Variants in GREM2 observed in about 807,000 individuals in gnomAD.
The protein encoded by GREM2 is gremlin 2, DAN family BMP antagonist, also known as gremlin-2.
GREM2 carries 11 observed loss-of-function variants against 14.2 expected under a neutral mutation model. The ratio of observed to expected loss-of-function variants is 0.78; its 90% CI spans 0.49 to 1.28. GREM2 has a LOEUF of 1.28. GREM2 is among the 50% of genes most tolerant of loss of function. GREM2 has a pLI of 0.00. For missense variants in GREM2, 210 were observed against 218.5 expected (o/e 0.96, Z 0.24); for synonymous variants, 98 against 97.6 (o/e 1.00, Z -0.02).
intron 1 of GREM2, among the ~76,000 whole-genome samples, chr1:240,539,742 A>G (rs1211357997): frequency 6.6e-6 from 1 of 152,178 alleles, no homozygotes; most frequent in East Asian, 1.9e-4. Flanking sequence ...ACACGGATGA[A>G]GTGGAGATTT....
intron 1 of GREM2, among the ~76,000 whole-genome samples, chr1:240,532,672 G>C (rs1572386186): frequency 8.0e-6 from 1 of 125,006 alleles, no homozygotes; most frequent in South Asian, 2.8e-4. Context: ...TAGATAGATA[G>C]ATAGATAGAT....
chr1:240,587,758 C>T (rs981361310), intron 1 of GREM2, among the ~76,000 whole-genome samples: 1 of 152,112 alleles, frequency 6.6e-6, no homozygotes, highest in Non-Finnish European at 1.5e-5. Flanking sequence ...GCACTCTTAG[C>T]CATGCAGATA....
intron 1 of GREM2, among the ~76,000 whole-genome samples, chr1:240,569,004 T>A (rs13375672): frequency 0.022 from 3,299 of 152,114 alleles, 117 homozygotes; most frequent in African/African-American, 0.075. Flanking sequence ...TGAACTAGGA[T>A]TGTGCCTCTT....
chr1:240,528,836 T>A (rs1678285810), intron 1 of GREM2, among the ~76,000 whole-genome samples: 1 of 152,138 alleles, frequency 6.6e-6, no homozygotes. Context: ...GAGCTTCAGA[T>A]TTAGCATCCA....
At chr1:240,561,633 T>G (rs1340175808) in intron 1 of GREM2, among the ~76,000 whole-genome samples, 1 of 151,796 alleles carries the variant, frequency 6.6e-6, no homozygotes, top group Non-Finnish European at 1.5e-5. Flanking sequence ...AAAGAATTAT[T>G]TGAGACCTTT....
rs1677314367 is a variant in GREM2 at position 240,493,382 on chromosome 1, AG to A, written c.93del (p.Ser32ArgfsTer51). 6.2e-7 allele frequency: 1 copy of A among 1,613,348 alleles called. No homozygotes were observed. Among genetic ancestry groups the A allele is most frequent in the Non-Finnish European group, 8.5e-7 (1 of 1,179,948 alleles). Reference protein sequence around the residue: ...ARKNRPAGAIPSPYKDGSSNN... With the variant: ...ARKNRPAGAIXSPYKDGSSNN... ...TTGCTGCTGCCGTCCTTGTAAGGCG[AG>A]GGGATGGCGCCCGCCGGCCGGTTCT... On this transcript the variant is annotated frameshift_variant, in exon 2 of 2. Coordinates refer to ENST00000318160, the MANE Select transcript of GREM2 (RefSeq NM_022469.4). LOFTEE classifies it high-confidence loss of function.
At chr1:240,503,199 G>A (rs1043431783) in intron 1 of GREM2, among the ~76,000 whole-genome samples, 9 of 152,154 alleles carry the variant, frequency 5.9e-5, no homozygotes, top group African/African-American at 1.2e-4. Flanking sequence ...CTTCGTGTTC[G>A]TGAGTTAAAT....
rs1256055760 is a variant in GREM2, at chr1:240,519,213, C to T, written c.-1-25737G>A. 2.0e-5 allele frequency among the ~76,000 whole-genome samples: 3 copies of T among 152,168 alleles called. No individual in the cohort carries two copies. The East Asian group carries it at 5.8e-4, about 29-fold the overall frequency. On this transcript the variant is annotated intron_variant, in intron 1 of 1. Transcript: ENST00000318160. ...GGACCATGTGTCCGCACAACAAATG[C>T]TCTTAGACTGGATATAAAATTATAA...
chr1:240,592,101 C>A (rs1679726866), intron 1 of GREM2, among the ~76,000 whole-genome samples: 1 of 152,168 alleles, frequency 6.6e-6, no homozygotes, highest in East Asian at 1.9e-4. Context: ...GGCATTGGAA[C>A]CAAAAATACA....
chr1:240,551,128 C>G (rs1172388670), intron 1 of GREM2, among the ~76,000 whole-genome samples: 1 of 152,176 alleles, frequency 6.6e-6, no homozygotes, highest in Non-Finnish European at 1.5e-5. Flanking sequence ...TTCTGTGGAG[C>G]TGATCCAAGC....
intron 1 of GREM2, among the ~76,000 whole-genome samples, chr1:240,505,497 A>C (rs1677657440): frequency 6.6e-6 from 1 of 152,158 alleles, no homozygotes; most frequent in African/African-American, 2.4e-5. Context: ...GATGAAAATA[A>C]TTGAAATTTA....
chr1:240,508,269 A>G (rs1677725264), intron 1 of GREM2, among the ~76,000 whole-genome samples: 1 of 152,230 alleles, frequency 6.6e-6, no homozygotes, highest in Admixed American at 6.5e-5. Context: ...CACACATCTA[A>G]TGTTTCAGAG....
chr1:240,595,580 G>C (rs1396383751), intron 1 of GREM2, among the ~76,000 whole-genome samples: 2 of 152,072 alleles, frequency 1.3e-5, no homozygotes, highest in African/African-American at 2.4e-5. Context: ...GGGAATTTCA[G>C]GGGGAAGAAA....
rs1558164045 is a variant in GREM2 at position 240,562,945 on chromosome 1, AG to A, written c.-2+48938del. ...GTATGTGTATGTGTGTGAGTGTGTG[AG>A]TGTGTATGTGTGTGAGTGTGTGTAT... On this transcript the variant is annotated intron_variant, in intron 1 of 1. Coordinates refer to ENST00000318160, the MANE Select transcript of GREM2 (RefSeq NM_022469.4). 2.9e-4 allele frequency among the ~76,000 whole-genome samples: 31 copies of A among 105,732 alleles called. 1 individual carries two copies. Among genetic ancestry groups the A allele is most frequent in the African/African-American group, 1.5e-3 (31 of 21,232 alleles). 69.4% of individuals were successfully genotyped at this position (105,732 alleles called of 152,430 possible). A position where few individuals can be genotyped will look rare whatever the true frequency, so the allele number is the denominator to read the frequency against.
intron 1 of GREM2, among the ~76,000 whole-genome samples, chr1:240,609,442 T>C (rs1019283146): frequency 2.6e-5 from 4 of 151,998 alleles, no homozygotes; most frequent in African/African-American, 9.7e-5. Flanking sequence ...TACCTAATAT[T>C]ATTAGAAACA....
intron 1 of GREM2, among the ~76,000 whole-genome samples, chr1:240,600,523 A>T (rs533966734): frequency 6.6e-6 from 1 of 151,844 alleles, no homozygotes; most frequent in Non-Finnish European, 1.5e-5. Flanking sequence ...TGCTCTTGTC[A>T]CCTAGGCTGG....
At chr1:240,552,118 A>G (rs74149164) in intron 1 of GREM2, among the ~76,000 whole-genome samples, 9,287 of 152,150 alleles carry the variant, frequency 0.061, 787 homozygotes, top group African/African-American at 0.19. Context: ...TAATATTACG[A>G]TCCTTGGGTA....
At chr1:240,537,222 C>A (rs973068390) in intron 1 of GREM2, among the ~76,000 whole-genome samples, 35 of 151,738 alleles carry the variant, frequency 2.3e-4, no homozygotes, top group African/African-American at 8.0e-4. Flanking sequence ...TAAACAAAAG[C>A]AAAATATAGG....
chr1:240,547,532 T>TATATATATAGACAG (rs1187770486), intron 1 of GREM2, among the ~76,000 whole-genome samples: 17 of 121,874 alleles, frequency 1.4e-4, no homozygotes, highest in African/African-American at 6.3e-4. Flanking sequence ...TATATATATA[T>TATATATATAGACAG]ATAGATAGAT....
Sources: gnomAD v4.1 joint callset for allele counts (sites outside exome capture counted in the v4.1 genomes callset) on GRCh38, gnomAD v4.1.1 for gene constraint, MANE v1.5 for transcripts, NCBI Gene and HGNC (gene_info 2026-07-23, HGNC 2026-07-21) for gene names.